Variants in SDK1 observed in about 807,000 individuals in gnomAD.
SDK1 encodes sidekick cell adhesion molecule 1, also known as protein sidekick-1.
In SDK1, 157 loss-of-function variants were observed where a neutral mutation model predicts 245.5. The ratio of observed to expected loss-of-function variants is 0.64; its 90% CI spans 0.56 to 0.73. The LOEUF (loss-of-function observed/expected upper bound fraction) is 0.73, where lower values mean the gene tolerates loss of function less well. Among genes scored for constraint, SDK1 ranks in the 30% least tolerant of loss-of-function variants. The probability of loss-of-function intolerance (pLI) is 0.00; values close to 1 mark genes in which losing one functional copy is unlikely to be tolerated. For missense variants in SDK1, 3,583 were observed against 3,002.3 expected, an observed-to-expected ratio of 1.19 and a Z score of -4.52; for synonymous variants, 1,647 against 1,278.5, an observed-to-expected ratio of 1.29 and a Z score of -6.15.
chr7:4,164,007 C>T (rs536724075), intron 32 of SDK1, among the ~76,000 whole-genome samples: 46 of 152,292 alleles, frequency 3.0e-4, no homozygotes, highest in African/African-American at 1.1e-3. Flanking sequence ...GTGTGCGGGG[C>T]TGCGTCTCGG....
Position 3,881,698 on chromosome 7 carries a change from A to G in SDK1, c.847+60115A>G, listed in dbSNP as rs577787365. On this transcript the variant is annotated intron_variant, in intron 5 of 44. Coordinates refer to ENST00000404826, the MANE Select transcript of SDK1 (RefSeq NM_152744.4). Reference sequence around the variant, plus strand: ...AGGAATTACCACACTGTCTTCTACAATGGTTGAACTAATTTACATTCCCAT... The same window carrying G: ...AGGAATTACCACACTGTCTTCTACAGTGGTTGAACTAATTTACATTCCCAT... Among the ~76,000 whole-genome samples the G allele has an allele frequency of 2.9e-3, 448 of 152,354 alleles. 3 individuals carry two copies. Among genetic ancestry groups the G allele is most frequent in the Non-Finnish European group, 3.3e-3 (225 of 68,036 alleles).
intron 1 of SDK1, among the ~76,000 whole-genome samples, chr7:3,541,345 A>G (rs543193950): frequency 6.6e-6 from 1 of 152,338 alleles, no homozygotes; most frequent in South Asian, 2.1e-4. Flanking sequence ...CCATGCAGGC[A>G]ACTTCTTACA....
intron 22 of SDK1, among the ~76,000 whole-genome samples, chr7:4,100,245 G>A (rs1043491335): frequency 2.0e-5 from 3 of 152,214 alleles, no homozygotes; most frequent in African/African-American, 7.2e-5. Context: ...GGAGGTTGCA[G>A]GACTCAGCTC....
In SDK1 at chr7:3,540,398, C is replaced by G. The variant is rs528989880; in HGVS notation, c.299-78682C>G. ...CTGCAGTCTGGGTGAAAGAGTGATACTTCATCTCAAAAACAAAAAAAGAAG... is the reference window on the plus strand; with the variant it reads ...CTGCAGTCTGGGTGAAAGAGTGATAGTTCATCTCAAAAACAAAAAAAGAAG... On this transcript the variant is annotated intron_variant, in intron 1 of 44. Coordinates refer to ENST00000404826, the MANE Select transcript of SDK1 (RefSeq NM_152744.4). Among the ~76,000 whole-genome samples, 4 of 152,120 alleles carry G rather than the reference C, an allele frequency of 2.6e-5. No individual in the cohort carries two copies. In the South Asian group the frequency reaches 6.2e-4, roughly 24 times the overall value.
rs570157619 is a variant in SDK1 at position 3,463,723 on chromosome 7, C to T, written c.299-155357C>T. ...TTGTGAGGAGCCTCATTCATTTCCCCCTCTCTGCTGGTCTCACTCCTTGAA... is the reference window on the plus strand; with the variant it reads ...TTGTGAGGAGCCTCATTCATTTCCCTCTCTCTGCTGGTCTCACTCCTTGAA... On this transcript the variant is annotated intron_variant, in intron 1 of 44. Transcript: ENST00000404826. Among the ~76,000 whole-genome samples, 21 of 152,316 alleles carry T rather than the reference C, an allele frequency of 1.4e-4. 2 individuals are homozygous for T. The South Asian group carries it at 4.4e-3, about 32-fold the overall frequency.
chr7:3,956,895 C>G (rs993850771), intron 7 of SDK1, among the ~76,000 whole-genome samples: 1 of 152,144 alleles, frequency 6.6e-6, no homozygotes, highest in African/African-American at 2.4e-5. Context: ...CCAGCGAGGT[C>G]CCTTCCTGGC....
rs1167104105 is a variant in SDK1, at chr7:3,958,989, T to C, written c.1209T>C (p.Thr403=). The change falls in exon 8 of 45, where the codon ACT becomes ACC. Residue 403 remains threonine, a synonymous_variant. Transcript: ENST00000404826. ...GGATTTCAGCTGAAGTAGAAGAAAC[T>C]GTGGACATCGGATGTCAAGCCATGG... ...ESRISAEVEE[T]VDIGCQAMGV... is the part of the protein sequence containing the mutation. The C allele has an allele frequency of 1.9e-6, 3 of 1,613,858 alleles. No individual in the cohort carries two copies. Among genetic ancestry groups the C allele is most frequent in the Non-Finnish European group, 1.7e-6 (2 of 1,179,898 alleles).
intron 1 of SDK1, among the ~76,000 whole-genome samples, chr7:3,416,579 C>T (rs1468213013): frequency 6.6e-6 from 1 of 151,576 alleles, no homozygotes; most frequent in South Asian, 2.1e-4. Context: ...GGAGGTGTTC[C>T]CCTGGCAGGC....
At chr7:3,564,293 A>G (rs1349679719) in intron 1 of SDK1, among the ~76,000 whole-genome samples, 1 of 152,092 alleles carries the variant, frequency 6.6e-6, no homozygotes, top group Admixed American at 6.5e-5. Flanking sequence ...GAAAGATAAG[A>G]TAGACCTCTG....
At chr7:3,887,438 T>C (rs368263567) in intron 5 of SDK1, among the ~76,000 whole-genome samples, 10 of 152,292 alleles carry the variant, frequency 6.6e-5, no homozygotes, top group African/African-American at 2.4e-4. Context: ...TGTTTCCCAG[T>C]AGAGAAGTAA....
intron 4 of SDK1, among the ~76,000 whole-genome samples, chr7:3,785,199 G>T (rs192726067): frequency 3.9e-5 from 6 of 152,216 alleles, no homozygotes; most frequent in African/African-American, 1.2e-4. Context: ...AGGCTGGAGG[G>T]TGGGGGGAAT....
intron 37 of SDK1, 68 bp downstream of exon 37, chr7:4,208,353 G>T (rs951076191): frequency 2.1e-6 from 3 of 1,455,572 alleles, no homozygotes; most frequent in East Asian, 2.3e-5. Flanking sequence ...GCCAGCTCAG[G>T]TCCCCTCACA....
At chr7:3,371,364 G>A (rs1384143135) in intron 1 of SDK1, among the ~76,000 whole-genome samples, 1 of 152,096 alleles carries the variant, frequency 6.6e-6, no homozygotes, top group African/African-American at 2.4e-5. Flanking sequence ...GGATGCAGGG[G>A]AAGGACAGAA....
intron 4 of SDK1, among the ~76,000 whole-genome samples, chr7:3,779,097 A>G (rs1780649033): frequency 6.6e-6 from 1 of 152,208 alleles, no homozygotes; most frequent in Admixed American, 6.5e-5. Context: ...TTGGCTAAGA[A>G]TTCTGCGGAG....
intron 1 of SDK1, among the ~76,000 whole-genome samples, chr7:3,494,075 C>G (rs966199169): frequency 2.0e-5 from 3 of 152,008 alleles, no homozygotes; most frequent in African/African-American, 4.8e-5. Flanking sequence ...ACTCTGATCT[C>G]ATTTATTTAG....
chr7:4,052,719 G>C lies in SDK1; in HGVS notation c.2911+889G>C, dbSNP rs1199961275. On this transcript the variant is annotated intron_variant, in intron 19 of 44. Transcript: ENST00000404826. ...ATGTGGTATCATTATGAGTAGTTTT[G>C]GCATATTTCGTTGTATTTTTTTGCA... 3.3e-5 allele frequency among the ~76,000 whole-genome samples: 5 copies of C among 152,078 alleles called. No homozygotes were observed. In the East Asian group the frequency reaches 9.6e-4, roughly 29 times the overall value.
Position 3,771,370 on chromosome 7 carries a change from G to T in SDK1, c.714-50080G>T, listed in dbSNP as rs79815514. ...CAGAGTCAAGAGGAGAGGAAAGGAC[G>T]TGCTTCCTGAAGGCAGGAATTTCAC... On this transcript the variant is annotated intron_variant, in intron 4 of 44. Transcript: ENST00000404826. 5.9e-5 allele frequency among the ~76,000 whole-genome samples: 9 copies of T among 152,246 alleles called. 2 individuals carry two copies. The highest frequency in any genetic ancestry group is 2.2e-4 in the African/African-American group (9 of 41,538).
chr7:3,490,306 G>A (rs547427813), intron 1 of SDK1, among the ~76,000 whole-genome samples: 41 of 152,324 alleles, frequency 2.7e-4, no homozygotes, highest in Non-Finnish European at 5.9e-5. Context: ...ATTAGCCGAA[G>A]AGAAATGAAT....
At chr7:3,650,292 A>C (rs771354118) in intron 4 of SDK1, among the ~76,000 whole-genome samples, 1 of 152,160 alleles carries the variant, frequency 6.6e-6, no homozygotes, top group East Asian at 1.9e-4. Context: ...AATCATCACC[A>C]TCATCCATCT....
Sources: gnomAD v4.1 joint callset for allele counts (sites outside exome capture counted in the v4.1 genomes callset) on GRCh38, gnomAD v4.1.1 for gene constraint, MANE v1.5 for transcripts, NCBI Gene and HGNC (gene_info 2026-07-23, HGNC 2026-07-21) for gene names.